Variants in RELN observed in about 807,000 individuals in gnomAD.
RELN encodes reelin.
A neutral mutation model predicts 427.6 loss-of-function variants in RELN; 108 were observed. The ratio of observed to expected loss-of-function variants is 0.25; its 90% CI spans 0.22 to 0.30. RELN has a LOEUF of 0.30. RELN is among the 10% of genes least tolerant of loss of function. The pLI is 1.00. For synonymous variants in RELN, 1,524 were observed against 1,513.4 expected, an observed-to-expected ratio of 1.01 and a Z score of -0.16; for missense variants, 3,715 against 4,302.8, an observed-to-expected ratio of 0.86 and a Z score of 3.82.
chr7:103,561,259 T>G (rs1830634651), intron 36 of RELN, among the ~76,000 whole-genome samples: 1 of 152,190 alleles, frequency 6.6e-6, no homozygotes, highest in Non-Finnish European at 1.5e-5. Context: ...ATTTACATTC[T>G]AAAAACTATC....
At position 103,650,370 on chromosome 7, in the gene RELN, T is replaced by C. The variant is rs756344611; in HGVS notation, c.1906A>G (p.Thr636Ala). ...SENYSGWNRITIPLPNAALTR... is the reference protein window; with the variant it reads ...SENYSGWNRIAIPLPNAALTR... ...AGTGCTGCGTTAGGAAGGGGAATTGTTATTCGGTTCCACCTGCAAGAAATT... is the reference window on the plus strand; with the variant it reads ...AGTGCTGCGTTAGGAAGGGGAATTGCTATTCGGTTCCACCTGCAAGAAATT... Residue 636 changes from threonine to alanine, a missense_variant, in exon 16 of 65, where the codon ACA (threonine) becomes GCA (alanine). Thr to Ala is a moderately conservative substitution (Grantham distance 58). Around this residue, in one of 4 missense-constraint regions of RELN, gnomAD observed 2,208 missense variants for 2,361.7 expected, o/e 0.93. Coordinates refer to ENST00000428762, the MANE Select transcript of RELN (RefSeq NM_005045.4). The C allele has an allele frequency of 5.0e-6, 8 of 1,610,482 alleles. No homozygotes were observed. Among genetic ancestry groups the C allele is most frequent in the Admixed American group, 1.7e-5 (1 of 59,806 alleles).
At chr7:103,964,703 C>T (rs139996823) in intron 1 of RELN, among the ~76,000 whole-genome samples, 102 of 152,268 alleles carry the variant, frequency 6.7e-4, no homozygotes, top group Non-Finnish European at 1.3e-3. Flanking sequence ...TAACTTCTGT[C>T]GTTCATTCAT....
chr7:103,566,540 G>C, intron 32 of RELN, 61 bp downstream of exon 32: 2 of 1,600,052 alleles, frequency 1.2e-6, no homozygotes, highest in African/African-American at 1.3e-5. Flanking sequence ...ACAGTGCAAG[G>C]TGGGTATGGA....
chr7:103,961,515 T>C (rs1796553157), intron 1 of RELN, among the ~76,000 whole-genome samples: 1 of 152,158 alleles, frequency 6.6e-6, no homozygotes, highest in African/African-American at 2.4e-5. Flanking sequence ...TACTCGTGCA[T>C]AATGGAGAAA....
chr7:103,986,394 T>C (rs781390532), intron 1 of RELN, among the ~76,000 whole-genome samples: 7 of 152,126 alleles, frequency 4.6e-5, no homozygotes, highest in Non-Finnish European at 5.9e-5. Context: ...GATTTTTTAG[T>C]ACTATATATT....
chr7:103,834,481 T>C (rs1228424816), intron 2 of RELN, among the ~76,000 whole-genome samples: 1 of 152,212 alleles, frequency 6.6e-6, no homozygotes, highest in Non-Finnish European at 1.5e-5. Context: ...GAGAACATCA[T>C]GGCCTAGCTG....
At chr7:103,794,699 C>T (rs1168657476) in intron 3 of RELN, among the ~76,000 whole-genome samples, 2 of 152,188 alleles carry the variant, frequency 1.3e-5, no homozygotes, top group Non-Finnish European at 2.9e-5. Flanking sequence ...CTTAGCACTA[C>T]TGCACTACTG....
intron 8 of RELN, among the ~76,000 whole-genome samples, chr7:103,717,110 T>C (rs879531416): frequency 6.6e-6 from 1 of 152,096 alleles, no homozygotes; most frequent in African/African-American, 2.4e-5. Flanking sequence ...CGCATTTTAA[T>C]TCATATAAAA....
At chr7:103,627,313 C>A (rs891284587) in intron 20 of RELN, among the ~76,000 whole-genome samples, 1 of 152,090 alleles carries the variant, frequency 6.6e-6, no homozygotes, top group Admixed American at 6.6e-5. Context: ...TGTTTTAGGA[C>A]TATGAGATTA....
intron 43 of RELN, among the ~76,000 whole-genome samples, chr7:103,541,597 T>C (rs1457724669): frequency 1.3e-5 from 2 of 152,202 alleles, no homozygotes; most frequent in African/African-American, 4.8e-5. Context: ...AAAACATACA[T>C]GGTTGGGTCT....
intron 20 of RELN, among the ~76,000 whole-genome samples, chr7:103,623,826 A>T (rs1427353566): frequency 6.6e-6 from 1 of 152,152 alleles, no homozygotes; most frequent in Non-Finnish European, 1.5e-5. Context: ...GTGCAGCATG[A>T]GCTCTGATGG....
chr7:103,539,383 A>AGTTCT, intron 44 of RELN, 56 bp from the exon 45 acceptor site: 2 of 1,571,348 alleles, frequency 1.3e-6, no homozygotes, highest in Middle Eastern at 1.7e-4. Context: ...AGAAATGGAA[A>AGTTCT]GTTCTGCCTT....
chr7:103,766,372 C>G (rs1791424592), intron 4 of RELN, among the ~76,000 whole-genome samples: 2 of 152,038 alleles, frequency 1.3e-5, no homozygotes, highest in East Asian at 1.9e-4. Flanking sequence ...AAAGTAGATA[C>G]GTTAAAACCC....
At chr7:103,618,742 G>C (rs1832142105) in intron 20 of RELN, among the ~76,000 whole-genome samples, 1 of 152,054 alleles carries the variant, frequency 6.6e-6, no homozygotes, top group African/African-American at 2.4e-5. Context: ...ATTCAATTCA[G>C]GGCTAGAATC....
At chr7:103,747,387 C>T (rs1790868615) in intron 6 of RELN, among the ~76,000 whole-genome samples, 3 of 151,414 alleles carry the variant, frequency 2.0e-5, no homozygotes, top group African/African-American at 7.3e-5. Flanking sequence ...ACGTTGTGCA[C>T]ATGTACCCTA....
intron 6 of RELN, among the ~76,000 whole-genome samples, chr7:103,728,868 A>T (rs1044483196): frequency 3.3e-5 from 5 of 152,164 alleles, no homozygotes; most frequent in African/African-American, 9.7e-5. Context: ...ACAAATTCTA[A>T]TTCAAGCACA....
At chr7:103,710,893 A>C (rs538717388) in intron 8 of RELN, among the ~76,000 whole-genome samples, 44 of 152,268 alleles carry the variant, frequency 2.9e-4, no homozygotes, top group African/African-American at 1.0e-3. Flanking sequence ...AAAATAAAAA[A>C]ATTAGCTGGG....
chr7:103,630,860 G>GTTA (rs1832443819), intron 19 of RELN, among the ~76,000 whole-genome samples: 38 of 134,486 alleles, frequency 2.8e-4, no homozygotes, highest in Non-Finnish European at 4.4e-4. Flanking sequence ...TGTTTTTTTT[G>GTTA]TTTTTTTTTT....
In RELN at chr7:103,891,525, T is replaced by C. The variant is rs17157072; in HGVS notation, c.337+25550A>G. Among the ~76,000 whole-genome samples, 598 of 152,202 alleles carry C rather than the reference T, an allele frequency of 3.9e-3. 23 individuals are homozygous for C. The East Asian group carries it at 0.072, about 18-fold the overall frequency. ...CAATGCTTAAATGGGTGACTCCTCC[T>C]GCAGATTTTATTCCCAGCTTTTTGG... is the stretch of plus-strand genomic sequence containing the variant. On this transcript the variant is annotated intron_variant, in intron 2 of 64. Coordinates refer to ENST00000428762, the MANE Select transcript of RELN (RefSeq NM_005045.4).
Sources: allele counts gnomAD v4.1 joint callset (sites outside exome capture counted in the v4.1 genomes callset), GRCh38; gene constraint gnomAD v4.1.1; regional missense constraint gnomAD v4.1.1; transcripts MANE v1.5; gene names NCBI Gene and HGNC (gene_info 2026-07-23, HGNC 2026-07-21).